PARD3: variants seen among roughly 807,000 people sequenced by gnomAD.
PARD3 encodes par-3 family cell polarity regulator.
Under a neutral mutation model 155.4 loss-of-function variants are expected in PARD3, and 75 were observed. The observed-to-expected ratio is 0.48, with a 90% CI of 0.40 to 0.58. PARD3 has a LOEUF of 0.58. PARD3 is among the 20% of genes least tolerant of loss of function. The pLI, the probability that PARD3 is intolerant of heterozygous loss-of-function variation, is 0.00. For missense variants in PARD3, 1,642 were observed against 1,721.7 expected, an observed-to-expected ratio of 0.95 and a Z score of 0.82; for synonymous variants, 576 against 610.5, an observed-to-expected ratio of 0.94 and a Z score of 0.83.
At chr10:34,358,082 G>T (rs1004618995) in intron 14 of PARD3, among the ~76,000 whole-genome samples, 9 of 151,994 alleles carry the variant, frequency 5.9e-5, no homozygotes, top group Non-Finnish European at 8.8e-5. Context: ...TTAAAATGTG[G>T]GAATCTGAAC....
In PARD3 at chr10:34,347,487, T is replaced by C. The variant is rs1331103450; in HGVS notation, c.2218+478A>G. On this transcript the variant is annotated intron_variant, in intron 15 of 24. Coordinates refer to ENST00000374788, the MANE Select transcript of PARD3 (RefSeq NM_001184785.2). ...ACAATTAAAATACAGTAACATCCTA[T>C]TAAATACAAACCAGATACATGTGAA... Among the ~76,000 whole-genome samples the C allele has an allele frequency of 5.3e-5, 8 of 152,366 alleles. No homozygotes were observed. In the East Asian group the frequency reaches 1.5e-3, roughly 29 times the overall value.
chr10:34,609,865 G>T lies in PARD3; in HGVS notation c.222+86453C>A, dbSNP rs1438643101. On this transcript the variant is annotated intron_variant, in intron 2 of 24. Transcript: ENST00000374788. ...TTTTTAAAACCAGCAGAAATTAGCAGAATGTTACAAAGTGCTAGGCAATAA... is the reference window on the plus strand; with the variant it reads ...TTTTTAAAACCAGCAGAAATTAGCATAATGTTACAAAGTGCTAGGCAATAA... Among the ~76,000 whole-genome samples the T allele has an allele frequency of 2.0e-5, 3 of 152,140 alleles. No homozygotes were observed. The East Asian group carries it at 5.8e-4, about 29-fold the overall frequency.
chr10:34,625,371 G>T (rs928374796), intron 2 of PARD3, among the ~76,000 whole-genome samples: 1 of 152,178 alleles, frequency 6.6e-6, no homozygotes. Context: ...AAATTTCTTG[G>T]TGTAAATCTG....
chr10:34,597,056 T>C (rs2089337175), intron 2 of PARD3, among the ~76,000 whole-genome samples: 1 of 152,056 alleles, frequency 6.6e-6, no homozygotes, highest in Admixed American at 6.6e-5. Flanking sequence ...ATCAGAATGG[T>C]CAAGGAAAAG....
chr10:34,266,478 A>G (rs1183626681), intron 22 of PARD3, among the ~76,000 whole-genome samples: 4 of 152,226 alleles, frequency 2.6e-5, no homozygotes, highest in Admixed American at 1.3e-4. Flanking sequence ...TAAAGTTTCC[A>G]TAGTCCTTTT....
chr10:34,317,502 G>T (rs111438670), intron 19 of PARD3, among the ~76,000 whole-genome samples, 164 bp from the exon 20 acceptor site: 19 of 152,310 alleles, frequency 1.2e-4, no homozygotes, highest in African/African-American at 3.4e-4. Context: ...GAATTAAAAT[G>T]GAACATGTGA....
chr10:34,594,231 G>C (rs1776143860), intron 2 of PARD3, among the ~76,000 whole-genome samples: 1 of 152,118 alleles, frequency 6.6e-6, no homozygotes, highest in South Asian at 2.1e-4. Flanking sequence ...CATGCTCTTG[G>C]AAGGACCTAG....
intron 3 of PARD3, among the ~76,000 whole-genome samples, chr10:34,499,730 C>T (rs548704679): frequency 3.9e-5 from 6 of 152,290 alleles, no homozygotes; most frequent in South Asian, 2.1e-4. Flanking sequence ...CAAGACCATG[C>T]GGCCCTTCCT....
chr10:34,392,277 A>G (rs995561179), intron 7 of PARD3, among the ~76,000 whole-genome samples: 4 of 151,076 alleles, frequency 2.6e-5, no homozygotes, highest in Non-Finnish European at 5.9e-5. Flanking sequence ...ATAAATAAAG[A>G]GGGGAAAAGT....
intron 19 of PARD3, among the ~76,000 whole-genome samples, chr10:34,329,257 ATAT>A (rs201426362): frequency 1.4e-4 from 21 of 152,206 alleles, no homozygotes; most frequent in African/African-American, 4.6e-4. Context: ...AATGAGTGAA[ATAT>A]TATAAGAGCA....
intron 22 of PARD3, among the ~76,000 whole-genome samples, chr10:34,174,241 A>G (rs913901956): frequency 6.6e-6 from 1 of 152,206 alleles, no homozygotes; most frequent in African/African-American, 2.4e-5. Flanking sequence ...TCATAAATTC[A>G]TCCGGTGAGA....
At chr10:34,483,609 C>T (rs1449098129) in intron 3 of PARD3, among the ~76,000 whole-genome samples, 1 of 152,070 alleles carries the variant, frequency 6.6e-6, no homozygotes, top group Non-Finnish European at 1.5e-5. Flanking sequence ...CTTTCTATTT[C>T]CATATGGCCA....
At chr10:34,659,505 C>T (rs73269431) in intron 2 of PARD3, among the ~76,000 whole-genome samples, 7,372 of 151,910 alleles carry the variant, frequency 0.049, 549 homozygotes, top group African/African-American at 0.16. Context: ...CACCCAGAGG[C>T]CATTTCTTAA....
intron 2 of PARD3, among the ~76,000 whole-genome samples, chr10:34,522,821 G>A (rs1215112033): frequency 4.6e-5 from 7 of 152,142 alleles, no homozygotes; most frequent in Non-Finnish European, 1.0e-4. Flanking sequence ...CCGAGCCTCA[G>A]AGAGATGAAT....
At chr10:34,605,856 C>CTA (rs1380870700) in intron 2 of PARD3, among the ~76,000 whole-genome samples, 1 of 66,886 alleles carries the variant, frequency 1.5e-5, no homozygotes. Flanking sequence ...TATATATCTC[C>CTA]TATATATATA....
At chr10:34,710,815 T>C (rs2094439178) in intron 1 of PARD3, among the ~76,000 whole-genome samples, 1 of 152,186 alleles carries the variant, frequency 6.6e-6, no homozygotes, top group Non-Finnish European at 1.5e-5. Context: ...TCCACATATC[T>C]GCAAAGCTTT....
intron 5 of PARD3, among the ~76,000 whole-genome samples, chr10:34,433,557 T>C (rs1370705100): frequency 6.6e-6 from 1 of 152,016 alleles, no homozygotes; most frequent in African/African-American, 2.4e-5. Context: ...GGAAAATTAG[T>C]CCCCCAAGGG....
chr10:34,451,078 G>A (rs996283139), intron 4 of PARD3, among the ~76,000 whole-genome samples: 15 of 152,128 alleles, frequency 9.9e-5, no homozygotes, highest in Non-Finnish European at 1.9e-4. Context: ...CTGTGACATG[G>A]ATATAACAAG....
intron 22 of PARD3, among the ~76,000 whole-genome samples, chr10:34,228,064 C>T (rs915205465): frequency 2.0e-5 from 3 of 151,426 alleles, no homozygotes; most frequent in Non-Finnish European, 2.9e-5. Context: ...ACATATACAC[C>T]ATGCAATACT....
Sources: gnomAD v4.1 joint callset for allele counts (sites outside exome capture counted in the v4.1 genomes callset) on GRCh38, gnomAD v4.1.1 for gene constraint, MANE v1.5 for transcripts, NCBI Gene and HGNC (gene_info 2026-07-23, HGNC 2026-07-21) for gene names.